Variants in POLR2F observed in about 807,000 individuals in gnomAD.
POLR2F encodes the protein RNA polymerase II, I and III subunit F.
POLR2F carries 12 observed loss-of-function variants against 22.7 expected under a neutral mutation model. The ratio of observed to expected loss-of-function variants is 0.53; its 90% CI spans 0.34 to 0.86. The LOEUF (loss-of-function observed/expected upper bound fraction) is 0.86, where lower values mean the gene tolerates loss of function less well. Among genes scored for constraint, POLR2F ranks in the 40% least tolerant of loss-of-function variants. POLR2F has a pLI of 0.02. For synonymous variants in POLR2F, 57 were observed against 66.0 expected (o/e 0.86, Z 0.66); for missense variants, 126 against 171.5 (o/e 0.73, Z 1.48).
At chr22:37,992,446 G>A (rs1932746955) in intron 1 of POLR2F, among the ~76,000 whole-genome samples, 1 of 151,694 alleles carries the variant, frequency 6.6e-6, no homozygotes, top group African/African-American at 2.4e-5. Context: ...CTAGGCTTGA[G>A]TGCAGTGGTG....
At chr22:38,006,327 C>A (rs2084821032) in intron 1 of POLR2F, among the ~76,000 whole-genome samples, 1 of 152,198 alleles carries the variant, frequency 6.6e-6, no homozygotes, top group African/African-American at 2.4e-5. Flanking sequence ...AGTGAGCAGG[C>A]ATGTGGGTGG....
upstream of POLR2F, chr22:37,983,751 G>C: frequency 6.7e-6 from 10 of 1,487,048 alleles, no homozygotes; most frequent in Non-Finnish European, 8.9e-6. This position sits in a 1 kb window ranked among gnomAD's most constrained non-coding sequence, Gnocchi z 9.5. Context: ...ACGGGGCTCA[G>C]CTCCACCTCC....
chr22:37,959,123 G>A (rs1474244395), intron 2 of POLR2F, among the ~76,000 whole-genome samples: 2 of 152,158 alleles, frequency 1.3e-5, no homozygotes, highest in Non-Finnish European at 1.5e-5. Flanking sequence ...GCTTGGTCAG[G>A]TTAGCTGACT....
At position 37,956,092 on chromosome 22, in the gene POLR2F, G is replaced by GT. The variant is rs1555933778; in HGVS notation, c.21-681_21-680insT. ...TTTGTTTGTTTTTTGTTTTGCGGTG[G>GT]CGGGGGGGGGTTTTGAGACGGAGTT... On this transcript the variant is annotated intron_variant, in intron 1 of 4. Transcript: ENST00000442738. 6.0e-3 allele frequency among the ~76,000 whole-genome samples: 895 copies of GT among 149,968 alleles called. 9 individuals are homozygous for GT. Among genetic ancestry groups the GT allele is most frequent in the African/African-American group, 0.02 (806 of 40,370 alleles).
chr22:37,955,111 A>G (rs1226780779), intron 1 of POLR2F, among the ~76,000 whole-genome samples: 1 of 152,002 alleles, frequency 6.6e-6, no homozygotes, highest in Non-Finnish European at 1.5e-5. Context: ...GAAGAGAGGA[A>G]GATAGTGAGG....
chr22:38,028,344 C>G (rs1488901758), downstream of POLR2F, among the ~76,000 whole-genome samples: 1 of 152,028 alleles, frequency 6.6e-6, no homozygotes, highest in Non-Finnish European at 1.5e-5. Context: ...GGATTGGGAG[C>G]CCCTTCTCAC....
rs923878528 is a variant in POLR2F at position 37,980,876 on chromosome 22, G to C, written c.293+13706G>C. Among the ~76,000 whole-genome samples, 6 of 152,222 alleles carry C rather than the reference G, an allele frequency of 3.9e-5. No individual in the cohort carries two copies. Among genetic ancestry groups the C allele is most frequent in the African/African-American group, 1.4e-4 (6 of 41,450 alleles). On this transcript the variant is annotated intron_variant, in intron 4 of 4. Transcript: ENST00000405557. The surrounding 1 kb of genome is among the most constrained non-coding windows in gnomAD (Gnocchi z 4.1). Reference sequence around the variant, plus strand: ...CAGGGGCATAAGAAGACTACTTGGGGAAGGGGCCTGTGGCACTGGGAACAG... The same window carrying C: ...CAGGGGCATAAGAAGACTACTTGGGCAAGGGGCCTGTGGCACTGGGAACAG...
upstream of POLR2F, among the ~76,000 whole-genome samples, chr22:37,984,788 C>G (rs1024033357): frequency 3.3e-5 from 5 of 151,952 alleles, no homozygotes; most frequent in African/African-American, 9.7e-5. The surrounding 1 kb of genome is among the most constrained non-coding windows in gnomAD (Gnocchi z 4.4). Flanking sequence ...GAGGTTAGGC[C>G]GAGGAAGGAA....
rs2084913724 is a variant in POLR2F, at chr22:38,016,156, A to G, written c.121-9713A>G. On this transcript the variant is annotated intron_variant, in intron 1 of 2. Transcript: ENST00000333418. This position sits in a 1 kb window ranked among gnomAD's most constrained non-coding sequence, Gnocchi z 4.4. ...ACCCCCTGCGTCTGGCCAGGGACTC[A>G]GCACCCACTGGGGCATCAGCGAATC... is the stretch of plus-strand genomic sequence containing the variant. Among the ~76,000 whole-genome samples the G allele has an allele frequency of 6.6e-6, 1 of 152,202 alleles. No individual in the cohort carries two copies. Among genetic ancestry groups the G allele is most frequent in the Non-Finnish European group, 1.5e-5 (1 of 68,028 alleles).
chr22:37,965,830 G>C (rs1931832021), intron 3 of POLR2F, among the ~76,000 whole-genome samples: 1 of 152,204 alleles, frequency 6.6e-6, no homozygotes. Flanking sequence ...TCTGGGGAAG[G>C]ACCCAGGAAC....
chr22:38,012,842 A>G (rs7290247), intron 1 of POLR2F, among the ~76,000 whole-genome samples: 5,312 of 152,276 alleles, frequency 0.035, 299 homozygotes, highest in African/African-American at 0.12. Flanking sequence ...TGATTGCCCT[A>G]TCATCACGTC....
intron 1 of POLR2F, among the ~76,000 whole-genome samples, chr22:37,996,381 G>C (rs2084714100): frequency 6.6e-6 from 1 of 152,248 alleles, no homozygotes; most frequent in Non-Finnish European, 1.5e-5. Context: ...TCTCTGGCGA[G>C]AGAGCTCACA....
intron 1 of POLR2F, 76 bp downstream of exon 1, chr22:37,953,883 A>G: frequency 6.5e-7 from 1 of 1,527,134 alleles, no homozygotes; most frequent in South Asian, 1.2e-5. Flanking sequence ...TCGGCTGAGG[A>G]GCCTGGCGTC....
rs1324218647 is a variant in POLR2F at position 37,986,571 on chromosome 22, T to A, written c.120+259T>A. The A allele has an allele frequency of 2.5e-6, 2 of 786,006 alleles. No homozygotes were observed. The highest frequency in any genetic ancestry group is 4.3e-6 in the Non-Finnish European group (2 of 463,700). 48.7% of individuals were successfully genotyped at this position (786,006 alleles called of 1,614,324 possible). A position where few individuals can be genotyped will look rare whatever the true frequency, so the allele number is the denominator to read the frequency against. ...GGGGTAGCAGTGGGCACGCTCTGTC[T>A]GCAGGAAGCCACGCTAGACAGAAGG... On this transcript the variant is annotated intron_variant, in intron 1 of 2. Coordinates refer to the POLR2F transcript ENST00000333418. This position sits in a 1 kb window ranked among gnomAD's most constrained non-coding sequence, Gnocchi z 4.7.
intron 1 of POLR2F, among the ~76,000 whole-genome samples, chr22:38,025,176 G>A (rs2084995315): frequency 6.6e-6 from 1 of 152,200 alleles, no homozygotes. Flanking sequence ...GCTTAGCTCA[G>A]TCTCCCTCCC....
intron 5 of POLR2F, among the ~76,000 whole-genome samples, chr22:38,035,659 A>C (rs188315632): frequency 4.6e-5 from 7 of 152,208 alleles, no homozygotes; most frequent in Admixed American, 4.6e-4. Flanking sequence ...GTGCTGCCTG[A>C]CACCCGCAGG....
chr22:38,026,391 G>A (rs1185175489), exon 3 of POLR2F: 1 of 484,616 alleles, frequency 2.1e-6, no homozygotes, highest in Admixed American at 2.2e-5. Context: ...TGTGTGACCT[G>A]AGACCAGGCA....
intron 4 of POLR2F, among the ~76,000 whole-genome samples, chr22:37,976,207 A>G (rs1335120000): frequency 6.6e-6 from 1 of 152,190 alleles, no homozygotes; most frequent in Non-Finnish European, 1.5e-5. Flanking sequence ...TGGGCAACAG[A>G]GCAAGACTCC....
intron 1 of POLR2F, among the ~76,000 whole-genome samples, chr22:37,989,856 C>T (rs1368899307): frequency 6.6e-6 from 1 of 152,218 alleles, no homozygotes; most frequent in African/African-American, 2.4e-5. Flanking sequence ...TGGGCCTGCT[C>T]CACCTTCCCC....
Sources: gnomAD v4.1 joint callset for allele counts (sites outside exome capture counted in the v4.1 genomes callset) on GRCh38, gnomAD v4.1.1 for gene constraint, Gnocchi (gnomAD v3.1) non-coding constraint, MANE v1.5 for transcripts, NCBI Gene and HGNC (gene_info 2026-07-23, HGNC 2026-07-21) for gene names.